KHDRBS2: variants seen among roughly 807,000 people sequenced by gnomAD.
KHDRBS2 encodes the protein KH domain-containing, RNA-binding, signal transduction-associated protein 2.
KHDRBS2 carries 26 observed loss-of-function variants against 44.3 expected under a neutral mutation model. The ratio of observed to expected loss-of-function variants is 0.59; its 90% confidence interval spans 0.43 to 0.81. The LOEUF (loss-of-function observed/expected upper bound fraction) is 0.81. Ranked by LOEUF, KHDRBS2 falls within the 40% of genes least tolerant of loss-of-function variation. The probability of loss-of-function intolerance (pLI) is 0.00; values close to 1 mark genes in which losing one functional copy is unlikely to be tolerated. For missense variants in KHDRBS2, 476 were observed against 433.1 expected (o/e 1.10, Z -0.88); for synonymous variants, 194 against 151.1 (o/e 1.28, Z -2.08).
chr6:61,844,879 A>T (rs370019528), intron 6 of KHDRBS2, among the ~76,000 whole-genome samples: 1 of 152,092 alleles, frequency 6.6e-6, no homozygotes, highest in Non-Finnish European at 1.5e-5. Flanking sequence ...GTAATACAGC[A>T]CCTTACACTT....
chr6:61,578,260 C>T, the KHDRBS2 span, among the ~76,000 whole-genome samples: 13 of 152,250 alleles, frequency 8.5e-5, no homozygotes, highest in East Asian at 3.9e-4. Context: ...ATTGCATCAA[C>T]ATTTTGTCAG....
Position 61,732,748 on chromosome 6 carries a change from T to C in KHDRBS2, c.827A>G (p.Tyr276Cys). 1.2e-6 allele frequency: 2 copies of C among 1,606,224 alleles called. No individual in the cohort carries two copies. The highest frequency in any genetic ancestry group is 1.7e-6 in the Non-Finnish European group (2 of 1,172,972). Reference sequence around the variant, plus strand: ...GGTCTGGTCATCATATTCACCCCCGTAGCCATCATCATAACCCTGAGACAA... The same window carrying C: ...GGTCTGGTCATCATATTCACCCCCGCAGCCATCATCATAACCCTGAGACAA... ...AYEEYGYDDG[Y>C]GGEYDDQTYE... is the part of the protein sequence containing the mutation. Residue 276 changes from tyrosine (Y) to cysteine (C), a missense_variant, in exon 7 of 9, where the codon TAC (tyrosine) becomes TGC (cysteine). Transcript: ENST00000281156.
chr6:61,625,929 T>C, the KHDRBS2 span, among the ~76,000 whole-genome samples: 1 of 152,078 alleles, frequency 6.6e-6, no homozygotes, highest in African/African-American at 2.4e-5. Context: ...CATGGAATTG[T>C]GAATAATTTG....
At chr6:62,030,099 A>G (rs1784072480) in intron 3 of KHDRBS2, among the ~76,000 whole-genome samples, 1 of 152,026 alleles carries the variant, frequency 6.6e-6, no homozygotes, top group Non-Finnish European at 1.5e-5. Context: ...GAACAGCCAC[A>G]AGAGATTCAC....
At chr6:62,045,716 A>G (rs1477797541) in intron 3 of KHDRBS2, among the ~76,000 whole-genome samples, 2 of 152,022 alleles carry the variant, frequency 1.3e-5, no homozygotes, top group African/African-American at 2.4e-5. Flanking sequence ...CATGTGATGT[A>G]TTTAATAATT....
intron 4 of KHDRBS2, among the ~76,000 whole-genome samples, chr6:61,902,940 C>A (rs1371841877): frequency 6.6e-6 from 1 of 152,076 alleles, no homozygotes; most frequent in African/African-American, 2.4e-5. Flanking sequence ...AGCCCTAAAG[C>A]ATTTCACTTA....
chr6:61,567,101 C>T, the KHDRBS2 span, among the ~76,000 whole-genome samples: 5 of 152,186 alleles, frequency 3.3e-5, no homozygotes, highest in Non-Finnish European at 7.3e-5. Flanking sequence ...TTAGCTCCTA[C>T]TCTACCATAC....
At chr6:61,650,186 C>T in the KHDRBS2 span, among the ~76,000 whole-genome samples, 1 of 152,120 alleles carries the variant, frequency 6.6e-6, no homozygotes, top group Non-Finnish European at 1.5e-5. Flanking sequence ...ATGTCACTTC[C>T]TCAGAGATGC....
chr6:62,106,214 G>T (rs1803247803), intron 2 of KHDRBS2, among the ~76,000 whole-genome samples: 1 of 152,010 alleles, frequency 6.6e-6, no homozygotes, highest in Admixed American at 6.6e-5. Flanking sequence ...GGTCAATTTT[G>T]GAATAGGTGT....
At chr6:61,672,342 G>C in the KHDRBS2 span, among the ~76,000 whole-genome samples, 1 of 151,912 alleles carries the variant, frequency 6.6e-6, no homozygotes, top group East Asian at 2.0e-4. Context: ...ATGATTTATA[G>C]TCCTTTGGGT....
chr6:61,611,936 GA>G, the KHDRBS2 span, among the ~76,000 whole-genome samples: 2 of 152,162 alleles, frequency 1.3e-5, no homozygotes, highest in Non-Finnish European at 2.9e-5. Context: ...CAGTATTCTA[GA>G]AAGCATTATT....
At chr6:62,172,624 A>T (rs1585054182) in intron 2 of KHDRBS2, among the ~76,000 whole-genome samples, 1 of 150,576 alleles carries the variant, frequency 6.6e-6, no homozygotes, top group East Asian at 2.0e-4. Flanking sequence ...AAATTTCAAA[A>T]TATATATTTC....
intron 6 of KHDRBS2, among the ~76,000 whole-genome samples, chr6:61,814,885 A>G (rs1562235084): frequency 6.6e-6 from 1 of 152,138 alleles, no homozygotes; most frequent in East Asian, 1.9e-4. Flanking sequence ...CAGGTTAACT[A>G]AACTTGAGCA....
intron 6 of KHDRBS2, among the ~76,000 whole-genome samples, chr6:61,890,503 T>C (rs550385119): frequency 4.8e-4 from 73 of 152,330 alleles, no homozygotes; most frequent in African/African-American, 1.7e-3. Context: ...GTCCCAAACA[T>C]GCTGAGTAAA....
At chr6:61,955,633 T>C (rs1766946832) in intron 4 of KHDRBS2, among the ~76,000 whole-genome samples, 1 of 99,774 alleles carries the variant, frequency 1.0e-5, no homozygotes, top group Non-Finnish European at 2.1e-5. Context: ...CATACATGTG[T>C]ATATACACGT....
intron 4 of KHDRBS2, among the ~76,000 whole-genome samples, chr6:61,949,659 C>T (rs1054253843): frequency 6.6e-6 from 1 of 151,858 alleles, no homozygotes; most frequent in Admixed American, 6.6e-5. Context: ...ATTAAATTTA[C>T]TATCCATTGT....
chr6:61,701,202 T>A (rs1484039466), intron 7 of KHDRBS2, among the ~76,000 whole-genome samples: 1 of 151,936 alleles, frequency 6.6e-6, no homozygotes, highest in Admixed American at 6.6e-5. Flanking sequence ...TGATCCTTGC[T>A]ACTTTTTAGA....
chr6:62,042,035 A>G (rs1349330716), intron 3 of KHDRBS2, among the ~76,000 whole-genome samples: 4 of 152,092 alleles, frequency 2.6e-5, no homozygotes, highest in African/African-American at 7.2e-5. Flanking sequence ...TTGGTCATGT[A>G]TATTCCAAAT....
chr6:61,828,827 CATTTGTCTTTT>C (rs561994132), intron 6 of KHDRBS2, among the ~76,000 whole-genome samples: 459 of 152,242 alleles, frequency 3.0e-3, no homozygotes, highest in South Asian at 5.8e-3. Context: ...TGCTATTTTT[CATTTGTCTTTT>C]ATTTATCTTT....
Sources: allele counts gnomAD v4.1 joint callset (sites outside exome capture counted in the v4.1 genomes callset), GRCh38; gene constraint gnomAD v4.1.1; transcripts MANE v1.5; gene names NCBI Gene and HGNC (gene_info 2026-07-23, HGNC 2026-07-21).